PRKDC: variants seen among roughly 807,000 people sequenced by gnomAD.
PRKDC encodes DNA-dependent protein kinase catalytic subunit.
PRKDC carries 82 observed loss-of-function variants against 486.9 expected under a neutral mutation model. The ratio of observed to expected loss-of-function variants is 0.17; its 90% CI spans 0.14 to 0.20. PRKDC has a LOEUF of 0.20. PRKDC is among the 10% of genes least tolerant of loss of function. The pLI is 1.00. For synonymous variants in PRKDC, 1,895 were observed against 1,837.0 expected (o/e 1.03, Z -0.81); for missense variants, 4,504 against 5,038.2 (o/e 0.89, Z 3.21).
At position 47,858,649 on chromosome 8, in the gene PRKDC, T is replaced by A. The variant is rs923676886; in HGVS notation, c.6346-14A>T. On this transcript the variant is annotated splice_polypyrimidine_tract_variant and intron_variant, in intron 47 of 85. Coordinates refer to ENST00000314191, the MANE Select transcript of PRKDC (RefSeq NM_006904.7). ...TGGCACTGAATCCTAAAATAAAACATTCAAAATTACCTTAAAACGTGGAAT... is the reference window on the plus strand; with the variant it reads ...TGGCACTGAATCCTAAAATAAAACAATCAAAATTACCTTAAAACGTGGAAT... The A allele has an allele frequency of 2.0e-6, 3 of 1,490,246 alleles. No homozygotes were observed. The highest frequency in any genetic ancestry group is 2.7e-6 in the Non-Finnish European group (3 of 1,118,502). 92.3% of individuals were successfully genotyped at this position (1,490,246 alleles called of 1,614,324 possible).
intron 58 of PRKDC, among the ~76,000 whole-genome samples, chr8:47,834,932 C>T (rs553045269): frequency 7.2e-5 from 11 of 152,124 alleles, no homozygotes; most frequent in Non-Finnish European, 1.2e-4. Flanking sequence ...CCTCGTGATC[C>T]GCCCGCCTCG....
intron 59 of PRKDC, 41 bp from the exon 60 acceptor site, chr8:47,831,967 G>T: frequency 3.2e-6 from 5 of 1,554,366 alleles, no homozygotes; most frequent in Non-Finnish European, 4.4e-6. Flanking sequence ...CCGCCGCCCA[G>T]ACACTTGGCT....
At chr8:47,865,976 C>T (rs925866123) in intron 40 of PRKDC, among the ~76,000 whole-genome samples, 11 of 151,758 alleles carry the variant, frequency 7.2e-5, no homozygotes, top group Admixed American at 2.0e-4. Context: ...GCCAACATGG[C>T]GAAACCCCGT....
rs752138083 is a variant in PRKDC at position 47,858,855 on chromosome 8, T to G, written c.6339A>C (p.Gly2113=). Residue 2113 remains glycine, a synonymous_variant, in exon 47 of 86, where the codon GGA becomes GGC. Transcript: ENST00000314191. ...AGATGAGTGGGAAAAGCACCTCTTC[T>G]CCTTGAGGCGGGCCCAGGCTTCTGT... The part of the protein sequence containing the change: ...HMHRSLGPPQ[G]EEDSVPRDLP... 6.2e-7 allele frequency: 1 copy of G among 1,603,278 alleles called. No individual in the cohort carries two copies. The highest frequency in any genetic ancestry group is 1.1e-5 in the South Asian group (1 of 90,970).
chr8:47,912,896 T>C (rs901501887), intron 24 of PRKDC, among the ~76,000 whole-genome samples: 1 of 152,218 alleles, frequency 6.6e-6, no homozygotes, highest in Non-Finnish European at 1.5e-5. Flanking sequence ...AAATATTTTT[T>C]GAAGCACTAT....
In PRKDC at chr8:47,826,787, T is replaced by C. The variant is rs1589724319; in HGVS notation, c.8652A>G (p.Leu2884=). The change falls in exon 63 of 86, where the codon CTA becomes CTG. Residue 2884 remains leucine, a synonymous_variant. Transcript: ENST00000314191. ...AAVSAGCLAS[L]QQPVGIRLLE... ...GCAGGCGGATGCCCACGGGCTGCTG[T>C]AGGCTGGCCAGGCAACCAGCGCTAA... 4 of 1,610,226 alleles carry C rather than the reference T, an allele frequency of 2.5e-6. No homozygotes were observed. The highest frequency in any genetic ancestry group is 1.3e-5 in the African/African-American group (1 of 74,996).
At chr8:47,885,247 G>A (rs567984808) in intron 36 of PRKDC, among the ~76,000 whole-genome samples, 1 of 152,228 alleles carries the variant, frequency 6.6e-6, no homozygotes, top group Admixed American at 6.5e-5. Context: ...CGCCTCTCAG[G>A]TTCAAGAAAT....
rs767514906 is a variant in PRKDC at position 47,935,718 on chromosome 8, A to C, written c.1447+14T>G. On this transcript the variant is annotated intron_variant, in intron 13 of 85. Transcript: ENST00000314191. ...TCCATCATTACTCATAAATACAATA[A>C]ATTGCAAACTTACCCACAGTACTAA... The C allele has an allele frequency of 1.9e-6, 3 of 1,610,504 alleles. No homozygotes were observed. The African/African-American group carries it at 4.0e-5, about 22-fold the overall frequency.
intron 21 of PRKDC, among the ~76,000 whole-genome samples, chr8:47,926,200 T>C (rs942257115): frequency 3.9e-5 from 6 of 152,236 alleles, no homozygotes; most frequent in African/African-American, 1.4e-4. Context: ...GCACTCCTTA[T>C]ATAAATGTGA....
chr8:47,954,477 A>G, intron 4 of PRKDC, 31 bp from the exon 5 acceptor site: 1 of 896,298 alleles, frequency 1.1e-6, no homozygotes, highest in South Asian at 2.4e-5. Flanking sequence ...ACATCAATGT[A>G]GTGCGGGAAT....
In PRKDC at chr8:47,839,997, T is replaced by C. The variant is rs771341556; in HGVS notation, c.7454+19A>G. Reference sequence around the variant, plus strand: ...ATCTCAAAAAAGTAACAAAATAAAATAGTCAATGTATAGCTTACCTGTAAT... The same window carrying C: ...ATCTCAAAAAAGTAACAAAATAAAACAGTCAATGTATAGCTTACCTGTAAT... On this transcript the variant is annotated intron_variant, in intron 55 of 85. Transcript: ENST00000314191. The C allele has an allele frequency of 5.2e-5, 78 of 1,498,866 alleles. No homozygotes were observed. Among genetic ancestry groups the C allele is most frequent in the Non-Finnish European group, 6.8e-5 (76 of 1,114,238 alleles). The allele number at this position is 1,498,866 out of a possible 1,614,324, so 92.8% of individuals were successfully genotyped here.
intron 12 of PRKDC, among the ~76,000 whole-genome samples, 172 bp downstream of exon 12, chr8:47,936,181 G>T (rs2090348146): frequency 6.6e-6 from 1 of 151,968 alleles, no homozygotes; most frequent in Admixed American, 6.6e-5. Flanking sequence ...TCCTGTTCTG[G>T]ATAACAAAAA....
At chr8:47,935,329 G>T (rs1286653703) in intron 13 of PRKDC, among the ~76,000 whole-genome samples, 1 of 151,996 alleles carries the variant, frequency 6.6e-6, no homozygotes, top group East Asian at 1.9e-4. Flanking sequence ...GTGAAACCCT[G>T]TCTCTACTAA....
intron 44 of PRKDC, among the ~76,000 whole-genome samples, chr8:47,861,253 T>G (rs2088670288): frequency 6.6e-6 from 1 of 152,246 alleles, no homozygotes; most frequent in Non-Finnish European, 1.5e-5. Flanking sequence ...ATGCCTGGAC[T>G]GCTGATAAAT....
At chr8:47,905,436 T>C (rs2089761733) in intron 25 of PRKDC, among the ~76,000 whole-genome samples, 3 of 152,194 alleles carry the variant, frequency 2.0e-5, no homozygotes, top group Non-Finnish European at 2.9e-5. Context: ...TTAGGATACA[T>C]ATTGTTGGCT....
chr8:47,905,099 T>TA (rs1211807299), intron 25 of PRKDC, 123 bp from the exon 26 acceptor site: 4 of 673,308 alleles, frequency 5.9e-6, no homozygotes, highest in Non-Finnish European at 9.7e-6. Flanking sequence ...ATGGTTGTAT[T>TA]AGTTTCCTTT....
At position 47,938,567 on chromosome 8, in the gene PRKDC, T is replaced by TA. The variant is rs202056071; in HGVS notation, c.1113+983dup. ...AGGGTTATTCTCAATATTTTTTCTT[T>TA]AAAAAAAAATTTTTAAGAGATAGTG... On this transcript the variant is annotated intron_variant, in intron 11 of 85. Transcript: ENST00000314191. Among the ~76,000 whole-genome samples the TA allele has an allele frequency of 6.5e-3, 985 of 151,904 alleles. 13 individuals carry two copies. Among genetic ancestry groups the TA allele is most frequent in the African/African-American group, 0.023 (950 of 41,418 alleles).
At position 47,881,430 on chromosome 8, in the gene PRKDC, C is replaced by T. The variant is rs765834052; in HGVS notation, c.5053G>A (p.Asp1685Asn). The change falls in exon 38 of 86, where the codon GAT becomes AAT. Residue 1685 changes from aspartate (D) to asparagine (N), a missense_variant. By Grantham distance (23) the Asp-to-Asn change is conservative. Around this residue, in one of 6 missense-constraint regions of PRKDC, gnomAD observed 1,969 missense variants for 2,068.9 expected, o/e 0.95. Transcript: ENST00000314191. ...TCACTGTTTACCTTTAAATGTAGATCCAGCTTTGTGTCAGCAAGTAGACTA... is the reference window on the plus strand; with the variant it reads ...TCACTGTTTACCTTTAAATGTAGATTCAGCTTTGTGTCAGCAAGTAGACTA... ...YISLLADTKLDLHLKGQAVTL... is the reference protein window; with the variant it reads ...YISLLADTKLNLHLKGQAVTL... The T allele has an allele frequency of 6.5e-7, 1 of 1,541,622 alleles. No homozygotes were observed. Among genetic ancestry groups the T allele is most frequent in the Non-Finnish European group, 8.9e-7 (1 of 1,118,272 alleles).
intron 40 of PRKDC, among the ~76,000 whole-genome samples, chr8:47,874,615 C>T (rs1350842950): frequency 6.6e-6 from 1 of 151,114 alleles, no homozygotes; most frequent in Non-Finnish European, 1.5e-5. Context: ...AAGAATTACC[C>T]AAGTGTGGTG....
Sources: gnomAD v4.1 joint callset for allele counts (sites outside exome capture counted in the v4.1 genomes callset) on GRCh38, gnomAD v4.1.1 for gene constraint, gnomAD v4.1.1 regional missense constraint, MANE v1.5 for transcripts, NCBI Gene and HGNC (gene_info 2026-07-23, HGNC 2026-07-21) for gene names.